The following ATG7 variants were observed in gnomAD, a reference collection of about 807,000 sequenced individuals.
ATG7 encodes the protein ubiquitin-like modifier-activating enzyme ATG7.
A neutral mutation model predicts 82.4 loss-of-function variants in ATG7; 70 were observed. That is an observed-to-expected ratio of 0.85 (90% confidence interval 0.70 to 1.04). The LOEUF is 1.04. ATG7 is among the 50% of genes least tolerant of loss of function. The pLI is 0.00. For synonymous variants in ATG7, 287 were observed against 313.0 expected (o/e 0.92, Z 0.88); for missense variants, 792 against 864.3 (o/e 0.92, Z 1.05).
At chr3:11,475,126 T>C (rs2087996782) in intron 20 of ATG7, among the ~76,000 whole-genome samples, 1 of 151,504 alleles carries the variant, frequency 6.6e-6, no homozygotes, top group African/African-American at 2.4e-5. Flanking sequence ...CTGGGCAAGG[T>C]AGATTATATT....
At chr3:11,574,554 A>G in the ATG7 span, among the ~76,000 whole-genome samples, 10 of 152,276 alleles carry the variant, frequency 6.6e-5, no homozygotes, top group South Asian at 6.2e-4. Context: ...CCAGGTAGGA[A>G]GAGTAAGTTC....
the ATG7 span, among the ~76,000 whole-genome samples, chr3:11,573,265 A>G: frequency 0.011 from 101 of 9,180 alleles, 5 homozygotes; most frequent in African/African-American, 0.093. Context: ...GAAAGAAAGA[A>G]AGAAAGAAAG....
chr3:11,476,357 G>T (rs1266367325), intron 20 of ATG7, among the ~76,000 whole-genome samples: 1 of 151,878 alleles, frequency 6.6e-6, no homozygotes, highest in Non-Finnish European at 1.5e-5. Context: ...GCTCAATGCC[G>T]TGGATGCGTC....
chr3:11,364,599 C>T (rs1210063592), intron 17 of ATG7, 60 bp from the exon 18 acceptor site: 1 of 1,550,470 alleles, frequency 6.4e-7, no homozygotes, highest in African/African-American at 1.4e-5. Context: ...TCTGCTAGAT[C>T]ATCCTCCCAT....
chr3:11,385,018 T>C (rs887353619), intron 19 of ATG7, among the ~76,000 whole-genome samples: 2 of 144,980 alleles, frequency 1.4e-5, no homozygotes, highest in Non-Finnish European at 3.0e-5. Context: ...AATAGTGTTT[T>C]TGTTTGTTTG....
At chr3:11,320,113 C>T (rs1176886839) in intron 9 of ATG7, among the ~76,000 whole-genome samples, 1 of 152,178 alleles carries the variant, frequency 6.6e-6, no homozygotes, top group Non-Finnish European at 1.5e-5. Flanking sequence ...AGGGCTTTTG[C>T]ATGCACCTTT....
intron 1 of ATG7, among the ~76,000 whole-genome samples, chr3:11,273,360 C>T (rs1940947752): frequency 1.3e-5 from 2 of 152,128 alleles, no homozygotes; most frequent in South Asian, 4.1e-4. Context: ...CCTGTTTGGT[C>T]CTCCCCCAGT....
At chr3:11,469,988 CAAA>C (rs10628540) in intron 20 of ATG7, among the ~76,000 whole-genome samples, 14 of 87,572 alleles carry the variant, frequency 1.6e-4, no homozygotes, top group African/African-American at 3.8e-4. Flanking sequence ...GACTCCATCT[CAAA>C]AAAAAAAAAA....
intron 20 of ATG7, among the ~76,000 whole-genome samples, chr3:11,544,534 G>A (rs778969726): frequency 3.3e-5 from 5 of 152,222 alleles, no homozygotes; most frequent in Non-Finnish European, 7.3e-5. Context: ...GAATGAGGGC[G>A]TCAGTGGCCT....
rs573670412 is a variant in ATG7 at position 11,389,422 on chromosome 3, A to G, written c.1956+9370A>G. 1.2e-4 allele frequency among the ~76,000 whole-genome samples: 18 copies of G among 146,856 alleles called. No homozygotes were observed. The South Asian group carries it at 3.7e-3, about 30-fold the overall frequency. On this transcript the variant is annotated intron_variant, in intron 19 of 20. Transcript: ENST00000693202. ...AGTTTTATATAATTCTTTCATTATGAAAGTTTTGTTAGTGCTTTTTTTTTT... is the reference window on the plus strand; with the variant it reads ...AGTTTTATATAATTCTTTCATTATGGAAGTTTTGTTAGTGCTTTTTTTTTT...
At chr3:11,428,323 A>G (rs1249577627) in intron 20 of ATG7, among the ~76,000 whole-genome samples, 2 of 152,218 alleles carry the variant, frequency 1.3e-5, no homozygotes, top group Non-Finnish European at 2.9e-5. Context: ...GGAGAGGTGG[A>G]GCTAGTGCTG....
chr3:11,574,781 ATATATGTG>A, the ATG7 span, among the ~76,000 whole-genome samples: 7 of 121,014 alleles, frequency 5.8e-5, no homozygotes, highest in African/African-American at 1.3e-4. Context: ...CAATTCAACT[ATATATGTG>A]TGTGTGTGTG....
At chr3:11,384,862 G>A (rs2078196187) in intron 19 of ATG7, among the ~76,000 whole-genome samples, 1 of 152,152 alleles carries the variant, frequency 6.6e-6, no homozygotes, top group African/African-American at 2.4e-5. Context: ...TTGGGGGGCT[G>A]AGGTGGGAAG....
intron 20 of ATG7, among the ~76,000 whole-genome samples, chr3:11,554,141 C>G (rs1260932578): frequency 6.6e-6 from 1 of 152,228 alleles, no homozygotes; most frequent in African/African-American, 2.4e-5. Context: ...CTCAGTTCTC[C>G]TCACAGCCAC....
intron 20 of ATG7, among the ~76,000 whole-genome samples, chr3:11,504,896 G>T (rs1170760376): frequency 2.6e-5 from 4 of 152,138 alleles, no homozygotes; most frequent in Admixed American, 2.0e-4. Context: ...GAAAGATAGG[G>T]AGGCAAGAGT....
intron 19 of ATG7, among the ~76,000 whole-genome samples, chr3:11,423,362 G>C (rs1171056604): frequency 2.0e-5 from 3 of 152,140 alleles, no homozygotes; most frequent in African/African-American, 7.2e-5. Context: ...GAAAAAGTTT[G>C]AAATATTGTG....
At chr3:11,563,122 C>T in the ATG7 span, among the ~76,000 whole-genome samples, 1 of 152,238 alleles carries the variant, frequency 6.6e-6, no homozygotes, top group African/African-American at 2.4e-5. Context: ...ACACTAAGCC[C>T]GCCAAGGGCC....
At chr3:11,496,436 T>G (rs1559750037) in intron 20 of ATG7, among the ~76,000 whole-genome samples, 1 of 152,088 alleles carries the variant, frequency 6.6e-6, no homozygotes, top group Non-Finnish European at 1.5e-5. Context: ...CTCTCCCTCC[T>G]CCCCTACTCT....
At position 11,477,306 on chromosome 3, in the gene ATG7, G is replaced by T. The variant is rs565966076; in HGVS notation, c.2079+50380G>T. The T allele has an allele frequency of 2.2e-3, 2,678 of 1,191,530 alleles. 9 individuals are homozygous for T. The highest frequency in any genetic ancestry group is 2.0e-3 in the South Asian group (127 of 63,204). 73.8% of individuals were successfully genotyped at this position (1,191,530 alleles called of 1,614,324 possible). On this transcript the variant is annotated intron_variant, in intron 20 of 20. Transcript: ENST00000693202. ...TGATGATAAAATAAAATGTAAATAAGAATTTTTGTGCTACAAACTCCTGAA... is the reference window on the plus strand; with the variant it reads ...TGATGATAAAATAAAATGTAAATAATAATTTTTGTGCTACAAACTCCTGAA...
Sources: gnomAD v4.1 joint callset for allele counts (sites outside exome capture counted in the v4.1 genomes callset) on GRCh38, gnomAD v4.1.1 for gene constraint, MANE v1.5 for transcripts, NCBI Gene and HGNC (gene_info 2026-07-23, HGNC 2026-07-21) for gene names.